MECOM: variants seen among roughly 807,000 people sequenced by gnomAD.
The protein encoded by MECOM is histone-lysine N-methyltransferase MECOM.
MECOM carries 13 observed loss-of-function variants against 116.3 expected under a neutral mutation model. The ratio of observed to expected loss-of-function variants is 0.11; its 90% confidence interval spans 0.07 to 0.18. The LOEUF (loss-of-function observed/expected upper bound fraction) is 0.18. MECOM is among the 10% of genes least tolerant of loss of function. The pLI is 1.00. For missense variants in MECOM, 1,299 were observed against 1,509.0 expected, an observed-to-expected ratio of 0.86 and a Z score of 2.31; for synonymous variants, 528 against 535.2, an observed-to-expected ratio of 0.99 and a Z score of 0.19.
chr3:169,276,548 G>A (rs768364852), intron 2 of MECOM, among the ~76,000 whole-genome samples: 4 of 116,956 alleles, frequency 3.4e-5, no homozygotes, highest in Non-Finnish European at 6.6e-5. Flanking sequence ...CCCAGACTCT[G>A]CCTCAAAAAA....
At chr3:169,568,385 GA>G (rs1315401357) in intron 1 of MECOM, among the ~76,000 whole-genome samples, 1 of 151,866 alleles carries the variant, frequency 6.6e-6, no homozygotes, top group Non-Finnish European at 1.5e-5. Context: ...CACTCCCCTG[GA>G]AAAGGGGCTG....
chr3:169,561,062 G>A (rs1762576847), intron 1 of MECOM, among the ~76,000 whole-genome samples: 1 of 151,230 alleles, frequency 6.6e-6, no homozygotes, highest in South Asian at 2.1e-4. Context: ...AATGAAAAGA[G>A]GTTCAATCTT....
At chr3:169,557,167 G>T (rs1161221221) in intron 1 of MECOM, among the ~76,000 whole-genome samples, 1 of 152,014 alleles carries the variant, frequency 6.6e-6, no homozygotes. Flanking sequence ...GTACAGTCAG[G>T]GTACCTAATG....
chr3:169,522,984 A>G (rs1388826006), intron 1 of MECOM, among the ~76,000 whole-genome samples: 1 of 152,220 alleles, frequency 6.6e-6, no homozygotes, highest in Non-Finnish European at 1.5e-5. Flanking sequence ...AGACTTCCCC[A>G]ACATAACAGA....
intron 2 of MECOM, among the ~76,000 whole-genome samples, chr3:169,147,901 G>T (rs906554676): frequency 2.6e-5 from 4 of 151,790 alleles, no homozygotes; most frequent in African/African-American, 7.3e-5. Flanking sequence ...GGAGGATAAA[G>T]CTTAGGGTAT....
chr3:169,262,194 T>C (rs1222206808), intron 2 of MECOM, among the ~76,000 whole-genome samples: 1 of 152,244 alleles, frequency 6.6e-6, no homozygotes, highest in Non-Finnish European at 1.5e-5. Context: ...CAAAGACTGT[T>C]GCTAACCAAT....
At chr3:169,470,939 G>C (rs1749124282) in intron 1 of MECOM, among the ~76,000 whole-genome samples, 1 of 151,926 alleles carries the variant, frequency 6.6e-6, no homozygotes, top group African/African-American at 2.4e-5. Context: ...TGTTTTAGGG[G>C]GGCTTGTTTG....
chr3:169,491,244 A>G (rs1340021746), intron 1 of MECOM, among the ~76,000 whole-genome samples: 1 of 152,138 alleles, frequency 6.6e-6, no homozygotes, highest in Non-Finnish European at 1.5e-5. Flanking sequence ...GAAATCCTGG[A>G]ATCAGGTCTA....
chr3:169,529,057 G>A (rs1576732491), intron 1 of MECOM, among the ~76,000 whole-genome samples: 1 of 152,060 alleles, frequency 6.6e-6, no homozygotes, highest in Non-Finnish European at 1.5e-5. Context: ...AAAAAAGGGA[G>A]GTTCTAGAAA....
At position 169,116,820 on chromosome 3, in the gene MECOM, C is replaced by G; in HGVS notation, c.1133-81G>C. Reference sequence around the variant, plus strand: ...TAGCAAATATCACAATTGGTTTACTCAAAATTTCAATTAGGAAGCCAGTAA... The same window carrying G: ...TAGCAAATATCACAATTGGTTTACTGAAAATTTCAATTAGGAAGCCAGTAA... On this transcript the variant is annotated intron_variant, in intron 7 of 16. Coordinates refer to ENST00000651503, the MANE Select transcript of MECOM (RefSeq NM_004991.4). 4 of 1,484,518 alleles carry G rather than the reference C, an allele frequency of 2.7e-6. No homozygotes were observed. The Admixed American group carries it at 9.3e-5, about 35-fold the overall frequency. 92.0% of individuals were successfully genotyped at this position (1,484,518 alleles called of 1,614,324 possible).
At chr3:169,546,216 T>A (rs1760706389) in intron 1 of MECOM, among the ~76,000 whole-genome samples, 1 of 152,310 alleles carries the variant, frequency 6.6e-6, no homozygotes. Flanking sequence ...TATATGCTCT[T>A]CTGCAGTCGT....
At chr3:169,465,675 T>G (rs1390198000) in intron 1 of MECOM, among the ~76,000 whole-genome samples, 5 of 151,830 alleles carry the variant, frequency 3.3e-5, no homozygotes, top group Non-Finnish European at 7.4e-5. Flanking sequence ...TGGTGTAGAT[T>G]AATTTATCTT....
chr3:169,525,264 G>A (rs886137053), intron 1 of MECOM, among the ~76,000 whole-genome samples: 8 of 152,114 alleles, frequency 5.3e-5, no homozygotes, highest in African/African-American at 1.9e-4. Context: ...GATTATTATT[G>A]GGTAATGACA....
intron 2 of MECOM, among the ~76,000 whole-genome samples, chr3:169,263,149 G>A (rs1457075210): frequency 1.2e-5 from 1 of 85,486 alleles, no homozygotes; most frequent in East Asian, 3.2e-4. Flanking sequence ...TTTTTTTTGA[G>A]ACAGAGTCTC....
chr3:169,480,727 A>G (rs1751162624), intron 1 of MECOM, among the ~76,000 whole-genome samples: 1 of 152,140 alleles, frequency 6.6e-6, no homozygotes, highest in Admixed American at 6.5e-5. Flanking sequence ...AAGGGAGATA[A>G]GCTGTTTCTG....
At chr3:169,479,785 G>C (rs569574726) in intron 1 of MECOM, among the ~76,000 whole-genome samples, 1 of 152,022 alleles carries the variant, frequency 6.6e-6, no homozygotes, top group South Asian at 2.1e-4. Context: ...TCCTTATAGG[G>C]ACCTGAAAAG....
intron 1 of MECOM, among the ~76,000 whole-genome samples, chr3:169,419,057 C>T (rs373870305): frequency 3.3e-5 from 5 of 152,138 alleles, no homozygotes; most frequent in South Asian, 4.1e-4. Flanking sequence ...TCTCAGGATA[C>T]AAAATCAATG....
At chr3:169,655,126 C>T (rs1033652626) in intron 1 of MECOM, among the ~76,000 whole-genome samples, 1 of 152,120 alleles carries the variant, frequency 6.6e-6, no homozygotes, top group Non-Finnish European at 1.5e-5. Flanking sequence ...GGCCCTGAAC[C>T]CCCTTGCCCA....
At chr3:169,541,073 C>G (rs140219800) in intron 1 of MECOM, among the ~76,000 whole-genome samples, 282 of 152,288 alleles carry the variant, frequency 1.9e-3, no homozygotes, top group African/African-American at 6.6e-3. Context: ...TCTATTTCAT[C>G]TTTGAGAGCA....
Sources: allele counts gnomAD v4.1 joint callset (sites outside exome capture counted in the v4.1 genomes callset), GRCh38; gene constraint gnomAD v4.1.1; transcripts MANE v1.5; gene names NCBI Gene and HGNC (gene_info 2026-07-23, HGNC 2026-07-21).